The following C8orf34 variants were observed in gnomAD, a reference collection of about 807,000 sequenced individuals.
C8orf34 encodes the protein chromosome 8 open reading frame 34, also known as uncharacterized protein C8orf34.
C8orf34 carries 65 observed loss-of-function variants against 68.3 expected under a neutral mutation model. The ratio of observed to expected loss-of-function variants is 0.95; its 90% CI spans 0.78 to 1.17. The LOEUF is 1.17. Among genes scored for constraint, C8orf34 ranks in the 50% most tolerant of loss-of-function variants. The pLI, the probability that C8orf34 is intolerant of heterozygous loss-of-function variation, is 0.00. For synonymous variants in C8orf34, 244 were observed against 241.2 expected, an observed-to-expected ratio of 1.01 and a Z score of -0.11; for missense variants, 664 against 655.4, an observed-to-expected ratio of 1.01 and a Z score of -0.14.
rs191107219 is a variant in C8orf34, at chr8:68,359,814, T to C, written c.327+28475T>C. ...CCATAAGCACAAAGGGACATGAAAA[T>C]TGAGGTGATCTCAAGAAGGTGACTG... On this transcript the variant is annotated intron_variant, in intron 1 of 13. Transcript: ENST00000518698. Among the ~76,000 whole-genome samples the C allele has an allele frequency of 7.2e-5, 11 of 152,222 alleles. No homozygotes were observed. In the East Asian group the frequency reaches 2.1e-3, roughly 29 times the overall value.
At chr8:68,365,151 A>G (rs1355069589) in intron 1 of C8orf34, among the ~76,000 whole-genome samples, 2 of 140,304 alleles carry the variant, frequency 1.4e-5, no homozygotes, top group Non-Finnish European at 3.1e-5. Flanking sequence ...TCTAGAAGAA[A>G]TGGATAAATT....
intron 8 of C8orf34, among the ~76,000 whole-genome samples, chr8:68,704,547 A>T (rs1821110199): frequency 6.6e-6 from 1 of 152,140 alleles, no homozygotes; most frequent in Non-Finnish European, 1.5e-5. Context: ...CTTGTAGGTA[A>T]TGAGAAGCCA....
intron 8 of C8orf34, among the ~76,000 whole-genome samples, chr8:68,660,494 G>A (rs150883594): frequency 6.0e-4 from 92 of 152,260 alleles, no homozygotes; most frequent in Non-Finnish European, 9.7e-4. Flanking sequence ...CCTGCTGCTC[G>A]TAACCTTTGA....
intron 7 of C8orf34, among the ~76,000 whole-genome samples, chr8:68,635,134 G>T (rs182292716): frequency 1.4e-4 from 21 of 152,206 alleles, no homozygotes; most frequent in Non-Finnish European, 3.1e-4. Flanking sequence ...GAGAGTTCTG[G>T]CAGGGAGTTT....
intron 5 of C8orf34, among the ~76,000 whole-genome samples, chr8:68,495,228 T>C (rs1813476314): frequency 6.6e-6 from 1 of 151,444 alleles, no homozygotes; most frequent in African/African-American, 2.4e-5. Context: ...TGAGTGGTAG[T>C]GAGTCTGTTT....
intron 1 of C8orf34, among the ~76,000 whole-genome samples, chr8:68,434,270 G>A (rs144094104): frequency 4.9e-4 from 74 of 152,238 alleles, no homozygotes; most frequent in Middle Eastern, 3.4e-3. Context: ...GCATACATTA[G>A]GTATTTGTCC....
At chr8:68,371,086 A>G (rs1460662510) in intron 1 of C8orf34, among the ~76,000 whole-genome samples, 1 of 152,160 alleles carries the variant, frequency 6.6e-6, no homozygotes, top group Non-Finnish European at 1.5e-5. Flanking sequence ...TTCTCCTCCA[A>G]CATAGGAGAG....
At chr8:68,430,708 G>A (rs1009109816) in intron 1 of C8orf34, among the ~76,000 whole-genome samples, 2 of 152,060 alleles carry the variant, frequency 1.3e-5, no homozygotes, top group Non-Finnish European at 2.9e-5. Context: ...GAATGAGGAA[G>A]GGCATGCTAT....
intron 1 of C8orf34, among the ~76,000 whole-genome samples, chr8:68,421,309 C>T (rs978727812): frequency 5.3e-5 from 8 of 152,174 alleles, no homozygotes; most frequent in Non-Finnish European, 1.0e-4. Flanking sequence ...TGATGAATTT[C>T]CTGAATTTTC....
intron 1 of C8orf34, among the ~76,000 whole-genome samples, chr8:68,420,475 G>A (rs943858192): frequency 2.6e-5 from 4 of 152,022 alleles, no homozygotes; most frequent in African/African-American, 4.8e-5. Flanking sequence ...GAGGAAGGTA[G>A]CATCCTCCTA....
intron 1 of C8orf34, among the ~76,000 whole-genome samples, chr8:68,420,375 A>G (rs866687765): frequency 2.0e-5 from 3 of 152,192 alleles, no homozygotes; most frequent in African/African-American, 7.2e-5. Context: ...AGAAAAAAAA[A>G]TGTAAATTTT....
chr8:68,768,325 A>AT (rs914830418), intron 10 of C8orf34, among the ~76,000 whole-genome samples: 1 of 152,178 alleles, frequency 6.6e-6, no homozygotes, highest in Non-Finnish European at 1.5e-5. Flanking sequence ...AAAATAGCTG[A>AT]TTTTTTTAAA....
intron 1 of C8orf34, among the ~76,000 whole-genome samples, chr8:68,357,299 T>C (rs1806791025): frequency 6.6e-6 from 1 of 152,106 alleles, no homozygotes; most frequent in Non-Finnish European, 1.5e-5. Flanking sequence ...GTTAAGTAGG[T>C]GACAATGTTA....
At chr8:68,636,307 G>C (rs577631446) in intron 7 of C8orf34, among the ~76,000 whole-genome samples, 71 of 152,172 alleles carry the variant, frequency 4.7e-4, no homozygotes, top group African/African-American at 1.6e-3. Flanking sequence ...CAGGTGCAGT[G>C]GCTCACGCCT....
chr8:68,484,670 G>A (rs1350973529), intron 4 of C8orf34, among the ~76,000 whole-genome samples: 1 of 152,132 alleles, frequency 6.6e-6, no homozygotes, highest in East Asian at 1.9e-4. Flanking sequence ...TATTCTGCTA[G>A]ACACTGGGAG....
chr8:68,751,982 A>C, intron 10 of C8orf34, among the ~76,000 whole-genome samples: 1 of 152,120 alleles, frequency 6.6e-6, no homozygotes, highest in Non-Finnish European at 1.5e-5. Flanking sequence ...AGATGAAAGC[A>C]TTAAGATTTT....
At chr8:68,465,704 A>C (rs1812089280) in intron 3 of C8orf34, among the ~76,000 whole-genome samples, 1 of 151,938 alleles carries the variant, frequency 6.6e-6, no homozygotes, top group African/African-American at 2.4e-5. Context: ...CGCAAGGACA[A>C]AAAACCAAAC....
chr8:68,474,697 C>T (rs963683995), intron 4 of C8orf34, among the ~76,000 whole-genome samples: 1 of 152,210 alleles, frequency 6.6e-6, no homozygotes, highest in Non-Finnish European at 1.5e-5. Context: ...CAGACGCTTT[C>T]CATCCTGTCA....
At chr8:68,439,306 TTC>T in intron 1 of C8orf34, 191 bp from the exon 2 acceptor site, 1 of 466,356 alleles carries the variant, frequency 2.1e-6, no homozygotes, top group South Asian at 4.7e-5. Flanking sequence ...GACAATTTAC[TTC>T]TCTGTTATTG....
Sources: allele counts gnomAD v4.1 joint callset (sites outside exome capture counted in the v4.1 genomes callset), GRCh38; gene constraint gnomAD v4.1.1; transcripts MANE v1.5; gene names NCBI Gene and HGNC (gene_info 2026-07-23, HGNC 2026-07-21).